LDB2: variants seen among roughly 807,000 people sequenced by gnomAD.
LDB2 encodes LIM domain-binding protein 2.
In LDB2, 12 loss-of-function variants were observed where a neutral mutation model predicts 44.3. The ratio of observed to expected loss-of-function variants is 0.27; its 90% CI spans 0.17 to 0.44. The LOEUF is 0.44. LDB2 is among the 20% of genes least tolerant of loss of function. LDB2 has a pLI of 1.00. For missense variants in LDB2, 344 were observed against 473.5 expected (o/e 0.73, Z 2.54); for synonymous variants, 164 against 174.8 (o/e 0.94, Z 0.49).
chr4:16,842,231 T>C (rs1378436028), intron 1 of LDB2, among the ~76,000 whole-genome samples: 2 of 152,136 alleles, frequency 1.3e-5, no homozygotes, highest in Non-Finnish European at 2.9e-5. Context: ...GGCTGCTAAA[T>C]ACCTCCGAAG....
At chr4:16,848,001 T>C (rs2110160426) in intron 1 of LDB2, among the ~76,000 whole-genome samples, 1 of 152,268 alleles carries the variant, frequency 6.6e-6, no homozygotes, top group Admixed American at 6.5e-5. Flanking sequence ...ACATAGAGTC[T>C]TGTGAAAAAA....
chr4:16,755,537 GAGAGACAGACAGA>G (rs1561114795), intron 2 of LDB2, among the ~76,000 whole-genome samples: 28 of 31,890 alleles, frequency 8.8e-4, no homozygotes, highest in South Asian at 3.4e-3. Context: ...GTGAGAGAGA[GAGAGACAGACAGA>G]CAGAGAGAGA....
At chr4:16,568,119 T>C (rs910060166) in intron 5 of LDB2, among the ~76,000 whole-genome samples, 3 of 152,204 alleles carry the variant, frequency 2.0e-5, no homozygotes, top group Non-Finnish European at 2.9e-5. Context: ...AGCAATTCCA[T>C]ATAATTCAAT....
intron 5 of LDB2, among the ~76,000 whole-genome samples, chr4:16,574,262 CT>C (rs1747594027): frequency 2.0e-5 from 3 of 152,190 alleles, no homozygotes; most frequent in South Asian, 4.1e-4. Flanking sequence ...AAGATTTAGA[CT>C]TACTTAACAA....
chr4:16,868,344 G>A (rs187736774), intron 1 of LDB2, among the ~76,000 whole-genome samples: 1 of 152,156 alleles, frequency 6.6e-6, no homozygotes, highest in Non-Finnish European at 1.5e-5. Context: ...ACATTCTCAG[G>A]TTCCAGGGGC....
rs1311209688 is a variant in LDB2, at chr4:16,755,514, TGTGTGTGTGTATGTGA to T, written c.235+3628_235+3643del. Among the ~76,000 whole-genome samples, 90 of 97,714 alleles carry T rather than the reference TGTGTGTGTGTATGTGA, an allele frequency of 9.2e-4. 1 individual carries two copies. The highest frequency in any genetic ancestry group is 2.7e-3 in the Admixed American group (27 of 9,932). 64.1% of individuals were successfully genotyped at this position (97,714 alleles called of 152,430 possible). On this transcript the variant is annotated intron_variant, in intron 2 of 7. Transcript: ENST00000304523. The stretch of plus-strand genomic sequence containing the variant: ...GTGTGTGTGTGTGTGTGTGTGTGTG[TGTGTGTGTGTATGTGA>T]GAGAGAGAGAGACAGACAGACAGAG...
intron 2 of LDB2, among the ~76,000 whole-genome samples, chr4:16,670,765 T>C (rs1412024812): frequency 1.3e-5 from 2 of 152,164 alleles, no homozygotes; most frequent in Non-Finnish European, 2.9e-5. Flanking sequence ...TGAAAAAGGT[T>C]TTGTGGTGGT....
rs371783496 is a variant in LDB2 at position 16,887,032 on chromosome 4, C to CAAAAA, written c.132+11317_132+11321dup. ...TGGGCGACAGAGCGAAACTCCGTCTCAAAAAAAAAAAAAAAAAAAAAAAAA... is the reference window on the plus strand; with the variant it reads ...TGGGCGACAGAGCGAAACTCCGTCTCAAAAAAAAAAAAAAAAAAAAAAAAAAAAAA... On this transcript the variant is annotated intron_variant, in intron 1 of 7. Coordinates refer to ENST00000304523, the MANE Select transcript of LDB2 (RefSeq NM_001290.5). 5.0e-4 allele frequency among the ~76,000 whole-genome samples: 25 copies of CAAAAA among 50,456 alleles called. 2 individuals are homozygous for CAAAAA. Among genetic ancestry groups the CAAAAA allele is most frequent in the African/African-American group, 1.3e-3 (20 of 15,016 alleles). The allele number at this position is 50,456 out of a possible 152,430, so 33.1% of individuals were successfully genotyped here.
chr4:16,561,180 C>T (rs2152379127), intron 5 of LDB2, among the ~76,000 whole-genome samples: 1 of 152,030 alleles, frequency 6.6e-6, no homozygotes, highest in East Asian at 1.9e-4. Context: ...CCCTCTCTCA[C>T]CACTCCTATT....
chr4:16,719,134 C>G (rs1757686827), intron 2 of LDB2, among the ~76,000 whole-genome samples: 1 of 151,546 alleles, frequency 6.6e-6, no homozygotes, highest in Non-Finnish European at 1.5e-5. Flanking sequence ...TGTTAAACAA[C>G]TTTTATAAAT....
intron 1 of LDB2, among the ~76,000 whole-genome samples, chr4:16,807,188 A>C (rs1041512173): frequency 3.9e-5 from 6 of 152,178 alleles, no homozygotes; most frequent in Non-Finnish European, 7.3e-5. Flanking sequence ...ATGGGTTGTA[A>C]ATTCCTGCCT....
At chr4:16,526,469 C>G (rs1307897084) in intron 5 of LDB2, among the ~76,000 whole-genome samples, 1 of 152,208 alleles carries the variant, frequency 6.6e-6, no homozygotes, top group African/African-American at 2.4e-5. Context: ...CTGAAGATTG[C>G]AGATATCTAC....
At chr4:16,811,289 T>C (rs1579885902) in intron 1 of LDB2, among the ~76,000 whole-genome samples, 1 of 152,236 alleles carries the variant, frequency 6.6e-6, no homozygotes, top group South Asian at 2.1e-4. Flanking sequence ...CTCATTGCTA[T>C]GTCCCATGGT....
chr4:16,888,290 T>C (rs1049430170), intron 1 of LDB2, among the ~76,000 whole-genome samples: 5 of 152,248 alleles, frequency 3.3e-5, no homozygotes, highest in African/African-American at 1.2e-4. Context: ...TGTTTTGTTG[T>C]CTCCACTGAG....
Position 16,759,221 on chromosome 4 carries a change from A to C in LDB2, c.172T>G (p.Phe58Val). The C allele has an allele frequency of 6.2e-7, 1 of 1,614,156 alleles. No individual in the cohort carries two copies. The highest frequency in any genetic ancestry group is 8.5e-7 in the Non-Finnish European group (1 of 1,179,976). The change falls in exon 2 of 8, where the codon TTT (phenylalanine) becomes GTT (valine). Residue 58 changes from phenylalanine (F) to valine (V), a missense_variant. Around this residue, in one of 3 missense-constraint regions of LDB2, gnomAD observed 226 missense variants for 270.1 expected, o/e 0.84. Transcript: ENST00000304523. Reference sequence around the variant, plus strand: ...GTTAATGTGGCGTCATCTTCAAAAAATTCAGTGGCAAAGGCGTCCCACCAG... The same window carrying C: ...GTTAATGTGGCGTCATCTTCAAAAACTTCAGTGGCAAAGGCGTCCCACCAG... ...NLWWDAFATE[F>V]FEDDATLTLS...
chr4:16,699,599 G>A (rs1423304573), intron 2 of LDB2, among the ~76,000 whole-genome samples: 1 of 152,132 alleles, frequency 6.6e-6, no homozygotes, highest in Non-Finnish European at 1.5e-5. Context: ...AGTATATAGA[G>A]TATTTAGAAA....
intron 2 of LDB2, among the ~76,000 whole-genome samples, chr4:16,725,412 T>C (rs966032685): frequency 3.3e-5 from 5 of 151,948 alleles, no homozygotes; most frequent in African/African-American, 1.2e-4. Context: ...CAACCCCTTA[T>C]CTGCAATAAA....
At chr4:16,740,594 A>T (rs924833576) in intron 2 of LDB2, among the ~76,000 whole-genome samples, 22 of 152,242 alleles carry the variant, frequency 1.4e-4, no homozygotes, top group African/African-American at 4.8e-4. Flanking sequence ...TCTCATGCTA[A>T]TGTGATACTT....
At chr4:16,511,816 G>T in intron 6 of LDB2, 165 bp downstream of exon 6, 1 of 728,344 alleles carries the variant, frequency 1.4e-6, no homozygotes, top group Non-Finnish European at 2.1e-6. Context: ...ATGTTTGCCT[G>T]TCACAAATTC....
Sources: gnomAD v4.1 joint callset for allele counts (sites outside exome capture counted in the v4.1 genomes callset) on GRCh38, gnomAD v4.1.1 for gene constraint, gnomAD v4.1.1 regional missense constraint, MANE v1.5 for transcripts, NCBI Gene and HGNC (gene_info 2026-07-23, HGNC 2026-07-21) for gene names.